KLHDC4: variants seen among roughly 807,000 people sequenced by gnomAD.
KLHDC4 encodes kelch domain-containing protein 4.
KLHDC4 carries 90 observed loss-of-function variants against 62.4 expected under a neutral mutation model. The ratio of observed to expected loss-of-function variants is 1.44; its 90% confidence interval spans 1.22 to 1.72. The LOEUF (loss-of-function observed/expected upper bound fraction) is 1.72, where lower values mean the gene tolerates loss of function less well. Ranked by LOEUF, KLHDC4 falls within the 40% of genes most tolerant of loss-of-function variation. The probability of loss-of-function intolerance (pLI) is 0.00; values close to 1 mark genes in which losing one functional copy is unlikely to be tolerated. For synonymous variants in KLHDC4, 386 were observed against 284.4 expected (o/e 1.36, Z -3.59); for missense variants, 1,025 against 699.7 (o/e 1.47, Z -5.25).
chr16:87,762,191 TTTGACACATTCGAAAGTAACCAGAGC>T, intron 1 of KLHDC4, 151 bp from the exon 2 acceptor site: 2 of 1,438,742 alleles, frequency 1.4e-6, no homozygotes, highest in East Asian at 2.5e-5. Flanking sequence ...AAATGCAGAG[TTTGACACATTCGAAAGTAACCAGAGC>T]TTGACCTCAA....
rs536802633 is a variant in KLHDC4, at chr16:87,700,215, C to T, written c.*1424G>A. On this transcript the variant is annotated 3_prime_UTR_variant, in exon 1 of 1. Coordinates refer to the KLHDC4 transcript ENST00000446344. ...TCATGCTCACTTTCTCTGACTCTTC[C>T]GAAGTTTGATCTGACTGTTCTTGCC... 2.9e-4 allele frequency: 45 copies of T among 154,350 alleles called. No individual in the cohort carries two copies. The South Asian group carries it at 7.7e-3, about 27-fold the overall frequency. 9.6% of individuals were successfully genotyped at this position (154,350 alleles called of 1,614,324 possible).
At chr16:87,740,225 C>T (rs35606819) in intron 5 of KLHDC4, among the ~76,000 whole-genome samples, 4 of 152,116 alleles carry the variant, frequency 2.6e-5, no homozygotes, top group African/African-American at 7.2e-5. Flanking sequence ...CAAGCTCAGC[C>T]GGCAGGGCAG....
intron 7 of KLHDC4, among the ~76,000 whole-genome samples, chr16:87,718,661 G>C (rs1333159683): frequency 6.6e-6 from 1 of 151,888 alleles, no homozygotes; most frequent in Non-Finnish European, 1.5e-5. Flanking sequence ...TCTGGGAAGT[G>C]AGGAGCGTCT....
rs2040176483 is a variant in KLHDC4, at chr16:87,730,602, C to T, written c.549G>A (p.Val183=). 1 of 1,613,178 alleles carries T rather than the reference C, an allele frequency of 6.2e-7. No individual in the cohort carries two copies. Among genetic ancestry groups the T allele is most frequent in the African/African-American group, 1.3e-5 (1 of 74,992 alleles). The part of the protein sequence containing the change: ...GPSGRSGHRM[V]AWKRQLILFG... ...ACAGGATCAATTGTCTCTTCCAGGCCACCATCCGATGTCCACTCCGACCCG... is the reference window on the plus strand; with the variant it reads ...ACAGGATCAATTGTCTCTTCCAGGCTACCATCCGATGTCCACTCCGACCCG... The change falls in exon 6 of 12, where the codon GTG becomes GTA. Residue 183 remains valine, a synonymous_variant. Coordinates refer to ENST00000270583, the MANE Select transcript of KLHDC4 (RefSeq NM_017566.4).
chr16:87,707,912 G>C lies in KLHDC4; in HGVS notation c.*165C>G, dbSNP rs951427751. 4.3e-6 allele frequency: 2 copies of C among 460,066 alleles called. No individual in the cohort carries two copies. Among genetic ancestry groups the C allele is most frequent in the Non-Finnish European group, 8.7e-6 (2 of 229,452 alleles). The allele number at this position is 460,066 out of a possible 1,614,324, so 28.5% of individuals were successfully genotyped here. The stretch of plus-strand genomic sequence containing the variant: ...ACTTCCGGCCCAGTGCCGCGTCAGA[G>C]ACTAAACCATGGGAGAAAGTTCACA... On this transcript the variant is annotated 3_prime_UTR_variant, in exon 12 of 12. Coordinates refer to ENST00000270583, the MANE Select transcript of KLHDC4 (RefSeq NM_017566.4).
At chr16:87,703,252 G>A (rs1013306249), downstream of KLHDC4, 5 of 151,892 alleles carry the variant, frequency 3.3e-5, no homozygotes, top group East Asian at 1.9e-4. Flanking sequence ...CAGGAATCGC[G>A]AGTGAGTTCC....
At chr16:87,737,751 C>T (rs868730572) in intron 5 of KLHDC4, among the ~76,000 whole-genome samples, 1 of 152,040 alleles carries the variant, frequency 6.6e-6, no homozygotes, top group Admixed American at 6.5e-5. Context: ...TCATGCCTGG[C>T]TAATATTTTT....
At chr16:87,735,394 G>A (rs2041141107) in intron 5 of KLHDC4, among the ~76,000 whole-genome samples, 1 of 152,002 alleles carries the variant, frequency 6.6e-6, no homozygotes, top group Non-Finnish European at 1.5e-5. Flanking sequence ...CGCTGCCACT[G>A]CCGTCCCCAA....
chr16:87,760,828 T>C lies in KLHDC4; in HGVS notation c.191+1121A>G, dbSNP rs1268441338. Among the ~76,000 whole-genome samples, 6 of 151,614 alleles carry C rather than the reference T, an allele frequency of 4.0e-5. No homozygotes were observed. In the East Asian group the frequency reaches 9.8e-4, roughly 25 times the overall value. On this transcript the variant is annotated intron_variant, in intron 2 of 11. Transcript: ENST00000270583. Reference sequence around the variant, plus strand: ...CAGGTGGATTACCTAAGGTCAGGAGTTCACGACCAGCCAGGCCAACATGGC... The same window carrying C: ...CAGGTGGATTACCTAAGGTCAGGAGCTCACGACCAGCCAGGCCAACATGGC...
intron 4 of KLHDC4, among the ~76,000 whole-genome samples, chr16:87,752,483 C>G (rs1156880151): frequency 6.6e-6 from 1 of 151,802 alleles, no homozygotes; most frequent in African/African-American, 2.4e-5. Context: ...ATTACAGGCA[C>G]GCGCCACGAC....
intron 5 of KLHDC4, chr16:87,739,870 T>C (rs888502015): frequency 2.0e-5 from 3 of 152,258 alleles, no homozygotes; most frequent in Non-Finnish European, 2.9e-5. Context: ...TTTTTCTTTC[T>C]GGGGGATGAA....
At chr16:87,725,848 G>A (rs1015289285) in intron 7 of KLHDC4, among the ~76,000 whole-genome samples, 2 of 152,170 alleles carry the variant, frequency 1.3e-5, no homozygotes, top group African/African-American at 4.8e-5. Flanking sequence ...TGTCAGCACT[G>A]TTCTCAGGTT....
chr16:87,765,490 G>A (rs531086303), intron 1 of KLHDC4: 6 of 500,360 alleles, frequency 1.2e-5, no homozygotes, highest in Middle Eastern at 4.0e-4. Context: ...GAGGGAGGGT[G>A]GAGGGAGAAG....
chr16:87,755,045 G>C (rs1283218246), intron 4 of KLHDC4, 149 bp downstream of exon 4: 6 of 544,310 alleles, frequency 1.1e-5, no homozygotes. Context: ...AGCTGAGTAA[G>C]GAATCCAAGT....
intron 1 of KLHDC4, among the ~76,000 whole-genome samples, chr16:87,763,891 G>C (rs2046236436): frequency 6.6e-6 from 1 of 152,172 alleles, no homozygotes; most frequent in African/African-American, 2.4e-5. Flanking sequence ...AGACGACTCA[G>C]ACGGAGTATG....
At chr16:87,721,044 C>G (rs2038203250) in intron 7 of KLHDC4, among the ~76,000 whole-genome samples, 1 of 152,200 alleles carries the variant, frequency 6.6e-6, no homozygotes, top group South Asian at 2.1e-4. Flanking sequence ...TTCTTAACGG[C>G]CAACGGCCAC....
At chr16:87,735,255 G>A (rs1425831030) in intron 5 of KLHDC4, among the ~76,000 whole-genome samples, 2 of 147,026 alleles carry the variant, frequency 1.4e-5, no homozygotes, top group Non-Finnish European at 3.0e-5. Flanking sequence ...AGCAGAGATC[G>A]CACCACTGCA....
chr16:87,759,413 C>A (rs1451399355), intron 2 of KLHDC4, among the ~76,000 whole-genome samples: 1 of 149,536 alleles, frequency 6.7e-6, no homozygotes, highest in African/African-American at 2.5e-5. Flanking sequence ...AGCAAAACTC[C>A]GTCTCAGAAA....
chr16:87,704,269 C>T (rs543817618), downstream of KLHDC4, among the ~76,000 whole-genome samples: 141 of 149,434 alleles, frequency 9.4e-4, no homozygotes, highest in African/African-American at 3.4e-3. Context: ...CTGAACGTCA[C>T]GGGGAAGGAG....
Sources: allele counts gnomAD v4.1 joint callset (sites outside exome capture counted in the v4.1 genomes callset), GRCh38; gene constraint gnomAD v4.1.1; transcripts MANE v1.5; gene names NCBI Gene and HGNC (gene_info 2026-07-23, HGNC 2026-07-21).